The following BCL2L2 variants were observed in gnomAD, a reference collection of about 807,000 sequenced individuals.
BCL2L2 encodes the protein bcl-2-like protein 2.
In BCL2L2, 6 loss-of-function variants were observed where a neutral mutation model predicts 14.6. The observed-to-expected ratio is 0.41, with a 90% CI of 0.22 to 0.81. The LOEUF (loss-of-function observed/expected upper bound fraction) is 0.81, where lower values mean the gene tolerates loss of function less well. BCL2L2 is among the 30% of genes least tolerant of loss of function. The pLI, the probability that BCL2L2 is intolerant of heterozygous loss-of-function variation, is 0.32. For missense variants in BCL2L2, 191 were observed against 260.5 expected (o/e 0.73, Z 1.84); for synonymous variants, 90 against 108.5 (o/e 0.83, Z 1.06).
chr14:23,309,128 G>A lies in BCL2L2; in HGVS notation c.*163G>A. ...AGGGAGCTGAGTAGGCCAGGTAGGCGATTGGAAGAGTGAGCAGGACACAGA... is the reference window on the plus strand; with the variant it reads ...AGGGAGCTGAGTAGGCCAGGTAGGCAATTGGAAGAGTGAGCAGGACACAGA... On this transcript the variant is annotated 3_prime_UTR_variant, in exon 4 of 4. Coordinates refer to ENST00000250405, the MANE Select transcript of BCL2L2 (RefSeq NM_004050.5). The A allele has an allele frequency of 8.7e-7, 1 of 1,150,706 alleles. No homozygotes were observed. Among genetic ancestry groups the A allele is most frequent in the South Asian group, 4.4e-5 (1 of 22,708 alleles). 71.3% of individuals were successfully genotyped at this position (1,150,706 alleles called of 1,614,324 possible).
In BCL2L2 at chr14:23,310,451, C is replaced by T; in HGVS notation, c.*1486C>T. ...CTTAGCTAGACCATGGTTGACTCTT[C>T]TTGGAGATTTTCACTTGGTCCTAGA... is the stretch of plus-strand genomic sequence containing the variant. On this transcript the variant is annotated 3_prime_UTR_variant, in exon 4 of 4. Transcript: ENST00000250405. The T allele has an allele frequency of 3.0e-6, 3 of 1,010,820 alleles. No individual in the cohort carries two copies. The highest frequency in any genetic ancestry group is 3.5e-6 in the Non-Finnish European group (3 of 845,838). The allele number at this position is 1,010,820 out of a possible 1,614,324, so 62.6% of individuals were successfully genotyped here.
chr14:23,307,488 CGTT>C (rs1277382598), intron 2 of BCL2L2, among the ~76,000 whole-genome samples: 1 of 152,152 alleles, frequency 6.6e-6, no homozygotes, highest in Non-Finnish European at 1.5e-5. Flanking sequence ...ATTGAGCTGA[CGTT>C]GTCTTATTGT....
In BCL2L2 at chr14:23,308,443, G is replaced by A. The variant is rs1314621179; in HGVS notation, c.432+244G>A. On this transcript the variant is annotated intron_variant, in intron 3 of 3. Coordinates refer to ENST00000250405, the MANE Select transcript of BCL2L2 (RefSeq NM_004050.5). This position sits in a 1 kb window ranked among gnomAD's most constrained non-coding sequence, Gnocchi z 5.4. ...AGGACAGAATACACACCCAAGGAGTGCCTGCAGGGGAATGTTGTCAGGGAC... is the reference window on the plus strand; with the variant it reads ...AGGACAGAATACACACCCAAGGAGTACCTGCAGGGGAATGTTGTCAGGGAC... 6.6e-6 allele frequency among the ~76,000 whole-genome samples: 1 copy of A among 152,112 alleles called. No individual in the cohort carries two copies. Among genetic ancestry groups the A allele is most frequent in the Non-Finnish European group, 1.5e-5 (1 of 68,006 alleles).
Position 23,309,225 on chromosome 14 carries a change from G to T in BCL2L2, c.*260G>T. The T allele has an allele frequency of 8.6e-7, 1 of 1,167,300 alleles. No individual in the cohort carries two copies. The highest frequency in any genetic ancestry group is 4.6e-5 in the Admixed American group (1 of 21,652). The allele number at this position is 1,167,300 out of a possible 1,614,324, so 72.3% of individuals were successfully genotyped here. On this transcript the variant is annotated 3_prime_UTR_variant, in exon 4 of 4. Transcript: ENST00000250405. ...CGTTCCAGGGCTGGGGGAGGTGGGA[G>T]GGATCACGCCTATAGGTGTGGGCAC... is the stretch of plus-strand genomic sequence containing the variant.
Position 23,307,758 on chromosome 14 carries a change from AGCC to A in BCL2L2, c.-6_-4del, listed in dbSNP as rs1887327225. 6.6e-7 allele frequency: 1 copy of A among 1,519,732 alleles called. No individual in the cohort carries two copies. Among genetic ancestry groups the A allele is most frequent in the Non-Finnish European group, 8.8e-7 (1 of 1,135,466 alleles). The allele number at this position is 1,519,732 out of a possible 1,614,324, so 94.1% of individuals were successfully genotyped here. On this transcript the variant is annotated splice_acceptor_variant and 5_prime_UTR_variant, in exon 3 of 4. Coordinates refer to ENST00000250405, the MANE Select transcript of BCL2L2 (RefSeq NM_004050.5). LOFTEE classifies it low-confidence loss of function (5UTR_SPLICE). ...CCAGTCTTTCATCCTTGCCTCTTAT[AGCC>A]GCCCGGATGGCGACCCCAGCCTCGG...
Position 23,310,727 on chromosome 14 carries a change from T to G in BCL2L2, c.*1762T>G. 3 of 1,185,136 alleles carry G rather than the reference T, an allele frequency of 2.5e-6. No individual in the cohort carries two copies. Among genetic ancestry groups the G allele is most frequent in the Non-Finnish European group, 3.2e-6 (3 of 941,272 alleles). 73.4% of individuals were successfully genotyped at this position (1,185,136 alleles called of 1,614,324 possible). A position where few individuals can be genotyped will look rare whatever the true frequency, so the allele number is the denominator to read the frequency against. On this transcript the variant is annotated 3_prime_UTR_variant, in exon 4 of 4. Coordinates refer to ENST00000250405, the MANE Select transcript of BCL2L2 (RefSeq NM_004050.5). ...CAAACTAGGCCAGTGGTTTTCAAAC[T>G]GCTTGGCAGAGCCCTGAAGTTTCCT...
Position 23,311,367 on chromosome 14 carries a change from A to T in BCL2L2, c.*2402A>T. 9.1e-7 allele frequency: 1 copy of T among 1,093,626 alleles called. No individual in the cohort carries two copies. The highest frequency in any genetic ancestry group is 1.1e-6 in the Non-Finnish European group (1 of 895,376). 67.7% of individuals were successfully genotyped at this position (1,093,626 alleles called of 1,614,324 possible). ...TTAAATCCATTTCATTTTTTAAAAA[A>T]TAAGGGAAATAAATGTAATTGCCAT... On this transcript the variant is annotated 3_prime_UTR_variant, in exon 4 of 4. Transcript: ENST00000250405.
intron 2 of BCL2L2, 101 bp from the exon 3 acceptor site, chr14:23,307,659 C>A: frequency 6.9e-7 from 1 of 1,448,304 alleles, no homozygotes; most frequent in Non-Finnish European, 9.2e-7. Context: ...CTGAGCATTT[C>A]CTCTCTCCTC....
At position 23,310,648 on chromosome 14, in the gene BCL2L2, C is replaced by G. The variant is rs1887553627; in HGVS notation, c.*1683C>G. ...TGTGAGTATGCTGACACCAGAAACT[C>G]AGAGCCAGCTTGTGGCAAGCAGTTG... is the stretch of plus-strand genomic sequence containing the variant. On this transcript the variant is annotated 3_prime_UTR_variant, in exon 4 of 4. Transcript: ENST00000250405. The G allele has an allele frequency of 2.6e-6, 3 of 1,132,418 alleles. No homozygotes were observed. The South Asian group carries it at 5.7e-5, about 22-fold the overall frequency. 70.1% of individuals were successfully genotyped at this position (1,132,418 alleles called of 1,614,324 possible). A position where few individuals can be genotyped will look rare whatever the true frequency, so the allele number is the denominator to read the frequency against.
At position 23,308,191 on chromosome 14, in the gene BCL2L2, G is replaced by A; in HGVS notation, c.424G>A (p.Gly142Arg). The part of the protein sequence containing the change: ...TQLADWIHSS[G>R]GWAEFTALYG... ...GCTGGCTGACTGGATCCACAGCAGT[G>A]GGGGCTGGGTAAGAAGCTTCTCAAT... The change falls in exon 3 of 4, where the codon GGG becomes AGG. Residue 142 changes from glycine (G) to arginine (R), a missense_variant. Gly to Arg is a moderately radical substitution (Grantham distance 125). Transcript: ENST00000250405. This position sits in a 1 kb window ranked among gnomAD's most constrained non-coding sequence, Gnocchi z 5.4. 1.2e-6 allele frequency: 2 copies of A among 1,610,040 alleles called. No individual in the cohort carries two copies. Among genetic ancestry groups the A allele is most frequent in the Non-Finnish European group, 1.7e-6 (2 of 1,178,144 alleles).
At position 23,308,520 on chromosome 14, in the gene BCL2L2, G is replaced by A. The variant is rs1887400992; in HGVS notation, c.433-296G>A. 6.6e-6 allele frequency among the ~76,000 whole-genome samples: 1 copy of A among 152,056 alleles called. No individual in the cohort carries two copies. Among genetic ancestry groups the A allele is most frequent in the African/African-American group, 2.4e-5 (1 of 41,378 alleles). ...AGGTGGGGAGGACCAGGGATGGGTG[G>A]TGGTCAGGCAAGCCTTGGCAAAGGA... On this transcript the variant is annotated intron_variant, in intron 3 of 3. Coordinates refer to ENST00000250405, the MANE Select transcript of BCL2L2 (RefSeq NM_004050.5). This position sits in a 1 kb window ranked among gnomAD's most constrained non-coding sequence, Gnocchi z 5.4.
rs540082087 is a variant in BCL2L2 at position 23,311,031 on chromosome 14, T to C, written c.*2066T>C. On this transcript the variant is annotated 3_prime_UTR_variant, in exon 4 of 4. Coordinates refer to ENST00000250405, the MANE Select transcript of BCL2L2 (RefSeq NM_004050.5). Reference sequence around the variant, plus strand: ...ACAGGACACATATCCCTGTTAGCATTCCCCGGGACCTTTAGCCAAGAGGAG... The same window carrying C: ...ACAGGACACATATCCCTGTTAGCATCCCCCGGGACCTTTAGCCAAGAGGAG... The C allele has an allele frequency of 1.2e-5, 15 of 1,289,478 alleles. No homozygotes were observed. Among genetic ancestry groups the C allele is most frequent in the African/African-American group, 1.5e-5 (1 of 65,960 alleles). 79.9% of individuals were successfully genotyped at this position (1,289,478 alleles called of 1,614,324 possible). A position where few individuals can be genotyped will look rare whatever the true frequency, so the allele number is the denominator to read the frequency against.
chr14:23,306,867 G>C lies in BCL2L2; in HGVS notation c.-124G>C, dbSNP rs1191339636. ...CCTCCCAGCTCCTGCACCAGGAAACGGCCCGGATCCCGGCAGCGGCCTGAC... is the reference window on the plus strand; with the variant it reads ...CCTCCCAGCTCCTGCACCAGGAAACCGCCCGGATCCCGGCAGCGGCCTGAC... On this transcript the variant is annotated 5_prime_UTR_variant, in exon 1 of 4. Transcript: ENST00000250405. 1 of 151,718 alleles carries C rather than the reference G, an allele frequency of 6.6e-6. No homozygotes were observed. The highest frequency in any genetic ancestry group is 2.4e-5 in the African/African-American group (1 of 41,288). 9.4% of individuals were successfully genotyped at this position (151,718 alleles called of 1,614,324 possible). A position where few individuals can be genotyped will look rare whatever the true frequency, so the allele number is the denominator to read the frequency against.
chr14:23,308,698 A>T lies in BCL2L2; in HGVS notation c.433-118A>T. 1 of 774,850 alleles carries T rather than the reference A, an allele frequency of 1.3e-6. No homozygotes were observed. Among genetic ancestry groups the T allele is most frequent in the Non-Finnish European group, 1.9e-6 (1 of 539,292 alleles). 48.0% of individuals were successfully genotyped at this position (774,850 alleles called of 1,614,324 possible). On this transcript the variant is annotated intron_variant, in intron 3 of 3. Coordinates refer to ENST00000250405, the MANE Select transcript of BCL2L2 (RefSeq NM_004050.5). The surrounding 1 kb of genome is among the most constrained non-coding windows in gnomAD (Gnocchi z 5.4). ...AGCTTTGGCCAGAGAGGAGCTGGGT[A>T]TGGGGTAGTGCTCGCAGTGGATGGA...
rs2138433511 is a variant in BCL2L2, at chr14:23,311,217, C to T, written c.*2252C>T. 1 of 1,244,090 alleles carries T rather than the reference C, an allele frequency of 8.0e-7. No individual in the cohort carries two copies. Among genetic ancestry groups the T allele is most frequent in the South Asian group, 1.3e-5 (1 of 74,378 alleles). 77.1% of individuals were successfully genotyped at this position (1,244,090 alleles called of 1,614,324 possible). A position where few individuals can be genotyped will look rare whatever the true frequency, so the allele number is the denominator to read the frequency against. On this transcript the variant is annotated 3_prime_UTR_variant, in exon 4 of 4. Transcript: ENST00000250405. ...GTGGGCAATTTTGACCTGTCCTGCCCTTCTTAGCTTGAAGGGAAACCCCAG... is the reference window on the plus strand; with the variant it reads ...GTGGGCAATTTTGACCTGTCCTGCCTTTCTTAGCTTGAAGGGAAACCCCAG...
In BCL2L2 at chr14:23,307,700, T is replaced by C. The variant is rs1887319779; in HGVS notation, c.-8-60T>C. The C allele has an allele frequency of 2.0e-6, 3 of 1,507,378 alleles. No individual in the cohort carries two copies. In the South Asian group the frequency reaches 4.1e-5, roughly 21 times the overall value. The allele number at this position is 1,507,378 out of a possible 1,614,324, so 93.4% of individuals were successfully genotyped here. A position where few individuals can be genotyped will look rare whatever the true frequency, so the allele number is the denominator to read the frequency against. On this transcript the variant is annotated intron_variant, in intron 2 of 3. Coordinates refer to ENST00000250405, the MANE Select transcript of BCL2L2 (RefSeq NM_004050.5). ...CTCACTGGGTTGGTCAAACCAGAAG[T>C]GCTCCTTCTGATTCTCTCTTCATAT...
At chr14:23,307,491 T>C (rs1331140679) in intron 2 of BCL2L2, among the ~76,000 whole-genome samples, 2 of 152,234 alleles carry the variant, frequency 1.3e-5, no homozygotes, top group Non-Finnish European at 2.9e-5. Context: ...GAGCTGACGT[T>C]GTCTTATTGT....
chr14:23,311,013 A>G lies in BCL2L2; in HGVS notation c.*2048A>G, dbSNP rs10149339. ...TTCACCCTACCCTCTACCACAGGAC[A>G]CATATCCCTGTTAGCATTCCCCGGG... On this transcript the variant is annotated 3_prime_UTR_variant, in exon 4 of 4. Coordinates refer to ENST00000250405, the MANE Select transcript of BCL2L2 (RefSeq NM_004050.5). The G allele has an allele frequency of 0.031, 39,878 of 1,289,500 alleles. 2,994 individuals are homozygous for G. Among genetic ancestry groups the G allele is most frequent in the African/African-American group, 0.28 (18,723 of 65,904 alleles). 79.9% of individuals were successfully genotyped at this position (1,289,500 alleles called of 1,614,324 possible).
At position 23,309,729 on chromosome 14, in the gene BCL2L2, T is replaced by A; in HGVS notation, c.*764T>A. 1.0e-6 allele frequency: 1 copy of A among 985,616 alleles called. No homozygotes were observed. The highest frequency in any genetic ancestry group is 1.2e-6 in the Non-Finnish European group (1 of 830,028). The allele number at this position is 985,616 out of a possible 1,614,324, so 61.1% of individuals were successfully genotyped here. ...GTTCCTTCATCATCCCCCTTCCTTG[T>A]GCATTATGCACTTGCTGCTGCCTCC... On this transcript the variant is annotated 3_prime_UTR_variant, in exon 4 of 4. Coordinates refer to ENST00000250405, the MANE Select transcript of BCL2L2 (RefSeq NM_004050.5).
Sources: gnomAD v4.1 joint callset for allele counts (sites outside exome capture counted in the v4.1 genomes callset) on GRCh38, gnomAD v4.1.1 for gene constraint, Gnocchi (gnomAD v3.1) non-coding constraint, MANE v1.5 for transcripts, NCBI Gene and HGNC (gene_info 2026-07-23, HGNC 2026-07-21) for gene names.